LNX1: variants seen among roughly 807,000 people sequenced by gnomAD.
The protein encoded by LNX1 is ligand of numb-protein X 1.
LNX1 carries 54 observed loss-of-function variants against 68.4 expected under a neutral mutation model. The observed-to-expected ratio is 0.79, with a 90% confidence interval of 0.63 to 0.99. The LOEUF is 0.99. LNX1 is among the 50% of genes least tolerant of loss of function. LNX1 has a pLI of 0.00. For synonymous variants in LNX1, 336 were observed against 350.0 expected, an observed-to-expected ratio of 0.96 and a Z score of 0.45; for missense variants, 906 against 926.4, an observed-to-expected ratio of 0.98 and a Z score of 0.29.
intron 6 of LNX1, among the ~76,000 whole-genome samples, chr4:53,484,626 G>A (rs1387014399): frequency 2.0e-5 from 3 of 152,090 alleles, no homozygotes; most frequent in African/African-American, 7.2e-5. Context: ...CCCTATGGTT[G>A]TCTGACACTA....
At chr4:53,632,457 T>A (rs1560701249) in intron 1 of LNX1, among the ~76,000 whole-genome samples, 1 of 152,336 alleles carries the variant, frequency 6.6e-6, no homozygotes, top group Non-Finnish European at 1.5e-5. Context: ...CCTACACTCT[T>A]GCTTCAGCCA....
intron 1 of LNX1, among the ~76,000 whole-genome samples, chr4:53,634,116 G>T (rs1421528687): frequency 6.6e-6 from 1 of 152,096 alleles, no homozygotes; most frequent in African/African-American, 2.4e-5. Flanking sequence ...GAAGAAGACA[G>T]GAAATCTCAA....
chr4:53,626,483 A>C (rs546077932), intron 1 of LNX1, among the ~76,000 whole-genome samples: 132 of 152,328 alleles, frequency 8.7e-4, no homozygotes, highest in Admixed American at 1.6e-3. Context: ...TTGTTCATTT[A>C]CCAAGTCTTT....
chr4:53,646,213 T>G (rs1367336844), intron 1 of LNX1, among the ~76,000 whole-genome samples: 1 of 152,168 alleles, frequency 6.6e-6, no homozygotes, highest in Non-Finnish European at 1.5e-5. Flanking sequence ...TCCCATGATT[T>G]TATGGCAGAG....
upstream of LNX1, chr4:53,591,550 C>G: frequency 1.0e-6 from 1 of 985,452 alleles, no homozygotes; most frequent in Non-Finnish European, 1.2e-6. Flanking sequence ...TCGCTCCAGA[C>G]CAGGAAATGG....
intron 9 of LNX1, among the ~76,000 whole-genome samples, chr4:53,462,182 TAGG>T (rs752557293): frequency 2.3e-4 from 35 of 152,076 alleles, no homozygotes; most frequent in Middle Eastern, 3.4e-3. Flanking sequence ...ACAATTCAAA[TAGG>T]AGGAAAAACA....
intron 2 of LNX1, among the ~76,000 whole-genome samples, chr4:53,613,221 A>G (rs1358153821): frequency 6.6e-6 from 1 of 152,014 alleles, no homozygotes; most frequent in Non-Finnish European, 1.5e-5. Context: ...ACACATGAAC[A>G]TATGTTTAAA....
At chr4:53,484,853 C>G (rs528933841) in intron 6 of LNX1, among the ~76,000 whole-genome samples, 1 of 152,254 alleles carries the variant, frequency 6.6e-6, no homozygotes, top group East Asian at 1.9e-4. Flanking sequence ...CTGAAAAGGG[C>G]CCAAAAAAGA....
intron 9 of LNX1, among the ~76,000 whole-genome samples, chr4:53,464,384 C>CTT (rs1399930909): frequency 7.5e-6 from 1 of 134,212 alleles, no homozygotes; most frequent in African/African-American, 2.8e-5. Context: ...TAGACTAATA[C>CTT]TTTATCGTTA....
At chr4:53,603,027 C>G (rs534311922) in intron 2 of LNX1, 7 of 152,302 alleles carry the variant, frequency 4.6e-5, no homozygotes, top group African/African-American at 1.7e-4. Flanking sequence ...GCCTCAGTTC[C>G]TTCATCCCTA....
chr4:53,591,592 A>C, upstream of LNX1: 1 of 985,448 alleles, frequency 1.0e-6, no homozygotes, highest in Non-Finnish European at 1.2e-6. Flanking sequence ...CAGATAAAGC[A>C]TTGCTGAGAC....
intron 2 of LNX1, among the ~76,000 whole-genome samples, chr4:53,511,054 A>G (rs1726297090): frequency 6.6e-6 from 1 of 152,254 alleles, no homozygotes; most frequent in African/African-American, 2.4e-5. Context: ...AAGGTAGGTA[A>G]GTAGCCTTTC....
intron 4 of LNX1, among the ~76,000 whole-genome samples, chr4:53,500,863 TTC>T (rs2109487263): frequency 6.6e-6 from 1 of 152,340 alleles, no homozygotes; most frequent in South Asian, 2.1e-4. Context: ...AAAAAATTCA[TTC>T]TGAGCAAAGA....
intron 2 of LNX1, among the ~76,000 whole-genome samples, chr4:53,612,777 CAGG>C (rs1733545311): frequency 6.6e-6 from 1 of 150,844 alleles, no homozygotes. Flanking sequence ...CCTAGCTACT[CAGG>C]AGGCTGAGCT....
intron 2 of LNX1, among the ~76,000 whole-genome samples, chr4:53,521,224 C>T (rs1182757589): frequency 3.3e-5 from 5 of 152,144 alleles, no homozygotes; most frequent in African/African-American, 1.2e-4. Flanking sequence ...CTGTGATGAG[C>T]TCTTTTTGAG....
chr4:53,576,974 T>C (rs2109788258), intron 1 of LNX1, among the ~76,000 whole-genome samples: 1 of 152,386 alleles, frequency 6.6e-6, no homozygotes, highest in East Asian at 1.9e-4. Flanking sequence ...AAGAGGTTGC[T>C]GGCAAATGCC....
chr4:53,512,779 G>A (rs1337735785), intron 2 of LNX1, among the ~76,000 whole-genome samples: 1 of 152,088 alleles, frequency 6.6e-6, no homozygotes, highest in Non-Finnish European at 1.5e-5. Context: ...CAGCAGCTGG[G>A]TTTTAGGTAT....
At chr4:53,557,655 C>T (rs1450143096) in intron 2 of LNX1, among the ~76,000 whole-genome samples, 1 of 151,214 alleles carries the variant, frequency 6.6e-6, no homozygotes, top group Admixed American at 6.6e-5. Context: ...AAAAAAAATG[C>T]CTTATTGAGA....
chr4:53,502,100 CCTCA>C (rs1725547024), intron 4 of LNX1: 1 of 152,000 alleles, frequency 6.6e-6, no homozygotes, highest in South Asian at 2.1e-4. Flanking sequence ...AATATTATGT[CCTCA>C]CTCAAGGACT....
Sources: allele counts gnomAD v4.1 joint callset (sites outside exome capture counted in the v4.1 genomes callset), GRCh38; gene constraint gnomAD v4.1.1; transcripts MANE v1.5; gene names NCBI Gene and HGNC (gene_info 2026-07-23, HGNC 2026-07-21).